The following PHYHIPL variants were observed in gnomAD, a reference collection of about 807,000 sequenced individuals.
PHYHIPL encodes phytanoyl-CoA hydroxylase-interacting protein-like.
In PHYHIPL, 9 loss-of-function variants were observed where a neutral mutation model predicts 33.4. The ratio of observed to expected loss-of-function variants is 0.27; its 90% CI spans 0.16 to 0.47. PHYHIPL has a LOEUF of 0.47. Among genes scored for constraint, PHYHIPL ranks in the 20% least tolerant of loss-of-function variants. The pLI is 0.99. For missense variants in PHYHIPL, 365 were observed against 460.7 expected, an observed-to-expected ratio of 0.79 and a Z score of 1.90; for synonymous variants, 153 against 154.1, an observed-to-expected ratio of 0.99 and a Z score of 0.05.
intron 1 of PHYHIPL, among the ~76,000 whole-genome samples, chr10:59,208,463 G>A (rs970963599): frequency 6.6e-6 from 1 of 152,146 alleles, no homozygotes; most frequent in African/African-American, 2.4e-5. Context: ...CCATGAAGAT[G>A]AGGAAAAACC....
At chr10:59,227,975 G>GATATATATATATATATATATATATATAT (rs1554799094) in intron 1 of PHYHIPL, among the ~76,000 whole-genome samples, 1,827 of 145,056 alleles carry the variant, frequency 0.013, 19 homozygotes, top group Middle Eastern at 0.018. Context: ...TGCCTATTGA[G>GATATATATATATATATATATATATATAT]ATATATATAT....
Position 59,246,724 on chromosome 10 carries a change from T to C in PHYHIPL, c.*1133T>C, listed in dbSNP as rs1840741567. ...ATAACTACAGCTCATGGGAAATGTT[T>C]TGACTTTACAAAGTATAGATGTTGG... is the stretch of plus-strand genomic sequence containing the variant. On this transcript the variant is annotated 3_prime_UTR_variant, in exon 5 of 5. Transcript: ENST00000373880. The C allele has an allele frequency of 2.5e-6, 1 of 397,152 alleles. No individual in the cohort carries two copies. Among genetic ancestry groups the C allele is most frequent in the Non-Finnish European group, 4.4e-6 (1 of 225,148 alleles). The allele number at this position is 397,152 out of a possible 1,614,324, so 24.6% of individuals were successfully genotyped here.
At chr10:59,178,272 A>G (rs1245859198) in intron 1 of PHYHIPL, among the ~76,000 whole-genome samples, 1 of 152,118 alleles carries the variant, frequency 6.6e-6, no homozygotes, top group Non-Finnish European at 1.5e-5. Flanking sequence ...GGTGTAGTAT[A>G]TGAATAAATA....
intron 1 of PHYHIPL, among the ~76,000 whole-genome samples, chr10:59,198,203 C>A (rs1838979030): frequency 6.6e-6 from 1 of 152,090 alleles, no homozygotes; most frequent in Admixed American, 6.6e-5. Context: ...TCCCTCCCCC[C>A]TACCCCCACC....
chr10:59,238,243 A>C (rs1007455968), intron 3 of PHYHIPL, among the ~76,000 whole-genome samples: 9 of 151,994 alleles, frequency 5.9e-5, no homozygotes, highest in Middle Eastern at 3.2e-3. Flanking sequence ...TCTTTTATTC[A>C]GTTTATCAAC....
chr10:59,235,519 A>G (rs546178129), intron 2 of PHYHIPL, among the ~76,000 whole-genome samples: 17 of 151,978 alleles, frequency 1.1e-4, no homozygotes, highest in African/African-American at 3.4e-4. Context: ...GCGATTATAC[A>G]TACTAAAGAT....
intron 1 of PHYHIPL, among the ~76,000 whole-genome samples, chr10:59,218,054 C>T (rs1040803773): frequency 1.3e-5 from 2 of 152,044 alleles, no homozygotes; most frequent in Non-Finnish European, 1.5e-5. Context: ...TGGCATTGCT[C>T]GGAGTCATCC....
At position 59,217,109 on chromosome 10, in the gene PHYHIPL, A is replaced by G. The variant is rs565944477; in HGVS notation, c.107-17195A>G. ...TTTGATAACCTTGAGGTGTTAAGTGATAGTATACTAGACTACCTTTTACAA... is the reference window on the plus strand; with the variant it reads ...TTTGATAACCTTGAGGTGTTAAGTGGTAGTATACTAGACTACCTTTTACAA... On this transcript the variant is annotated intron_variant, in intron 1 of 4. Transcript: ENST00000373880. Among the ~76,000 whole-genome samples, 21 of 152,240 alleles carry G rather than the reference A, an allele frequency of 1.4e-4. No homozygotes were observed. In the South Asian group the frequency reaches 2.3e-3, roughly 17 times the overall value.
intron 1 of PHYHIPL, among the ~76,000 whole-genome samples, chr10:59,198,236 T>G (rs1838981725): frequency 6.6e-6 from 1 of 151,776 alleles, no homozygotes; most frequent in Admixed American, 6.6e-5. Flanking sequence ...CAGTGAGTGA[T>G]GTTCCCCTTC....
At chr10:59,204,348 C>A (rs1589272541) in intron 1 of PHYHIPL, among the ~76,000 whole-genome samples, 1 of 152,208 alleles carries the variant, frequency 6.6e-6, no homozygotes, top group East Asian at 1.9e-4. Flanking sequence ...CAGTTCATAA[C>A]CATTCTAAAC....
At chr10:59,237,491 T>C (rs1840260556) in intron 3 of PHYHIPL, among the ~76,000 whole-genome samples, 1 of 151,950 alleles carries the variant, frequency 6.6e-6, no homozygotes. Flanking sequence ...AGGCTGAATC[T>C]ACAAGAAACT....
chr10:59,201,651 C>T (rs995196883), intron 1 of PHYHIPL, among the ~76,000 whole-genome samples: 12 of 151,888 alleles, frequency 7.9e-5, no homozygotes, highest in Non-Finnish European at 1.6e-4. Context: ...AGTTCTTGGG[C>T]CAATCCTAAT....
At chr10:59,181,184 A>G (rs1337284853) in intron 1 of PHYHIPL, among the ~76,000 whole-genome samples, 1 of 152,208 alleles carries the variant, frequency 6.6e-6, no homozygotes, top group South Asian at 2.1e-4. Context: ...ATATTAATAC[A>G]AAATAGACAG....
At chr10:59,213,768 CA>C (rs887569743) in intron 1 of PHYHIPL, among the ~76,000 whole-genome samples, 2 of 152,020 alleles carry the variant, frequency 1.3e-5, no homozygotes, top group African/African-American at 4.8e-5. Flanking sequence ...AAACAAAAAA[CA>C]AAAAACACCC....
chr10:59,204,477 T>A (rs1839230275), intron 1 of PHYHIPL, among the ~76,000 whole-genome samples: 1 of 152,210 alleles, frequency 6.6e-6, no homozygotes, highest in Non-Finnish European at 1.5e-5. Flanking sequence ...TCAGTCGAAC[T>A]AGAATTATTT....
intron 1 of PHYHIPL, chr10:59,183,656 T>C (rs762150106): frequency 4.1e-6 from 4 of 985,216 alleles, no homozygotes; most frequent in Non-Finnish European, 4.8e-6. Flanking sequence ...GCTCTGTATT[T>C]TGAAGATGCT....
chr10:59,209,070 A>T (rs1020349098), intron 1 of PHYHIPL, among the ~76,000 whole-genome samples: 27 of 152,064 alleles, frequency 1.8e-4, no homozygotes, highest in Non-Finnish European at 3.7e-4. Context: ...TTCAGGAAAT[A>T]CAGAGAACGC....
chr10:59,192,957 A>G (rs992350430), intron 1 of PHYHIPL, among the ~76,000 whole-genome samples: 2 of 152,172 alleles, frequency 1.3e-5, no homozygotes, highest in Non-Finnish European at 2.9e-5. Flanking sequence ...AGAAATTTTC[A>G]TCTGTGTCTC....
chr10:59,227,219 G>A (rs1038644362), intron 1 of PHYHIPL, among the ~76,000 whole-genome samples: 1 of 152,168 alleles, frequency 6.6e-6, no homozygotes, highest in Admixed American at 6.5e-5. Flanking sequence ...AGGAAGCTGA[G>A]AAGTCCAAGG....
Sources: gnomAD v4.1 joint callset for allele counts (sites outside exome capture counted in the v4.1 genomes callset) on GRCh38, gnomAD v4.1.1 for gene constraint, MANE v1.5 for transcripts, NCBI Gene and HGNC (gene_info 2026-07-23, HGNC 2026-07-21) for gene names.